The following UNC80 variants were observed in gnomAD, a reference collection of about 807,000 sequenced individuals.
The protein encoded by UNC80 is unc-80 subunit of NALCN channel complex, also known as protein unc-80 homolog.
In UNC80, 164 loss-of-function variants were observed where a neutral mutation model predicts 384.6. The observed-to-expected ratio is 0.43, with a 90% CI of 0.38 to 0.49. The LOEUF (loss-of-function observed/expected upper bound fraction) is 0.49. UNC80 is among the 20% of genes least tolerant of loss of function. The pLI, the probability that UNC80 is intolerant of heterozygous loss-of-function variation, is 0.00. For missense variants in UNC80, 3,330 were observed against 4,143.0 expected (o/e 0.80, Z 5.39); for synonymous variants, 1,486 against 1,527.8 (o/e 0.97, Z 0.64).
At position 209,906,073 on chromosome 2, in the gene UNC80, GA is replaced by G. The variant is rs997659637; in HGVS notation, c.4782+1117del. 9.3e-5 allele frequency among the ~76,000 whole-genome samples: 14 copies of G among 150,680 alleles called. No homozygotes were observed. The South Asian group carries it at 1.5e-3, about 16-fold the overall frequency. On this transcript the variant is annotated intron_variant, in intron 29 of 64. Transcript: ENST00000673920. ...ATATTAGGCTAGATATTCTGTTAAG[GA>G]AAAAAAAACTAGAAGCAGAAAATCT...
Position 209,941,352 on chromosome 2 carries a change from A to G in UNC80, c.6778A>G (p.Asn2260Asp). ...DEIMLFLNVFNGALILHPEDS... is the reference protein window; with the variant it reads ...DEIMLFLNVFDGALILHPEDS... ...AATCATGCTTTTCCTCAACGTTTTT[A>G]ACGGGGCTCTGATCCTCCACCCGGA... is the stretch of plus-strand genomic sequence containing the variant. The change falls in exon 44 of 65, where the codon AAC (asparagine) becomes GAC (aspartate). Residue 2260 changes from asparagine to aspartate, a missense_variant. Physicochemically the swap from Asn to Asp is conservative, Grantham distance 23 (BLOSUM62 1). This residue lies in a region of UNC80 where 1,049 missense variants were observed against 1,488.6 expected (regional missense o/e 0.70). Coordinates refer to ENST00000673920, the MANE Select transcript of UNC80 (RefSeq NM_001371986.1). 6.4e-7 allele frequency: 1 copy of G among 1,551,288 alleles called. No homozygotes were observed. Among genetic ancestry groups the G allele is most frequent in the Non-Finnish European group, 8.7e-7 (1 of 1,146,694 alleles).
chr2:209,941,527 T>G, intron 44 of UNC80, 38 bp downstream of exon 44: 1 of 1,503,816 alleles, frequency 6.6e-7, no homozygotes, highest in South Asian at 1.3e-5. Flanking sequence ...AAAATTAACA[T>G]GAGTACTGCT....
Position 209,994,118 on chromosome 2 carries a change from G to A in UNC80, c.9562G>A (p.Ala3188Thr). The A allele has an allele frequency of 1.3e-6, 2 of 1,551,692 alleles. No individual in the cohort carries two copies. Among genetic ancestry groups the A allele is most frequent in the East Asian group, 4.9e-5 (2 of 40,872 alleles). Residue 3188 changes from alanine (A) to threonine (T), a missense_variant, in exon 64 of 65, where the codon GCC becomes ACC. By Grantham distance (58) the Ala-to-Thr change is moderately conservative (BLOSUM62 0). Transcript: ENST00000673920. ...TGAGGCTCAGCCAGAGCCAGCAGCT[G>A]CCCCAACAGATGCGCTTCCTGCAAC... ...FIEAQPEPAA[A>T]PTDALPATGQ...
At chr2:209,978,440 C>T in intron 58 of UNC80, 89 bp from the exon 59 acceptor site, 1 of 1,171,720 alleles carries the variant, frequency 8.5e-7, no homozygotes, top group Non-Finnish European at 1.2e-6. Flanking sequence ...ACTAACCTTT[C>T]CTAAAAAATA....
chr2:209,771,921 A>C lies in UNC80; in HGVS notation c.-152A>C. ...TCCACGCGCGGGGAGGGGTGGGGGG[A>C]GGGGAGAGGCACGGGGGATCAGGGC... is the stretch of plus-strand genomic sequence containing the variant. On this transcript the variant is annotated 5_prime_UTR_variant, in exon 1 of 65. Transcript: ENST00000673920. The C allele has an allele frequency of 3.3e-6, 2 of 600,518 alleles. No individual in the cohort carries two copies. Among genetic ancestry groups the C allele is most frequent in the African/African-American group, 1.9e-5 (1 of 51,948 alleles). 37.2% of individuals were successfully genotyped at this position (600,518 alleles called of 1,614,324 possible).
intron 52 of UNC80, chr2:209,968,751 C>T (rs2092802843): frequency 6.6e-6 from 1 of 152,140 alleles, no homozygotes; most frequent in African/African-American, 2.4e-5. Flanking sequence ...TTCTTAAATA[C>T]TTCATATCTA....
intron 28 of UNC80, among the ~76,000 whole-genome samples, chr2:209,899,290 C>A (rs1373982952): frequency 1.3e-5 from 2 of 152,014 alleles, no homozygotes; most frequent in Non-Finnish European, 2.9e-5. Context: ...AAGCGTGGAC[C>A]CTAATGTAAA....
intron 22 of UNC80, among the ~76,000 whole-genome samples, chr2:209,855,672 G>A (rs2082857418): frequency 6.6e-6 from 1 of 151,878 alleles, no homozygotes; most frequent in South Asian, 2.1e-4. Context: ...TACCACATTG[G>A]TATGTGTCTT....
In UNC80 at chr2:209,923,260, A is replaced by G. The variant is rs116544723; in HGVS notation, c.5662+877A>G. Among the ~76,000 whole-genome samples the G allele has an allele frequency of 4.7e-3, 723 of 152,268 alleles. 7 individuals are homozygous for G. The highest frequency in any genetic ancestry group is 0.016 in the African/African-American group (683 of 41,566). On this transcript the variant is annotated intron_variant, in intron 35 of 64. Coordinates refer to ENST00000673920, the MANE Select transcript of UNC80 (RefSeq NM_001371986.1). ...CTTTTAGTGTCATATCTAAGAAACA[A>G]TTGTCTAATCCAAGGTCGCAATTTG...
intron 56 of UNC80, 122 bp from the exon 57 acceptor site, chr2:209,975,997 A>G: frequency 9.1e-7 from 1 of 1,094,672 alleles, no homozygotes; most frequent in Non-Finnish European, 1.3e-6. Flanking sequence ...AGTTTTTAGA[A>G]ACATGGAGAG....
At chr2:209,785,031 A>T (rs917681423) in intron 4 of UNC80, among the ~76,000 whole-genome samples, 1 of 152,060 alleles carries the variant, frequency 6.6e-6, no homozygotes, top group Non-Finnish European at 1.5e-5. Context: ...ATGGTTTTCA[A>T]CCTCAGCTAT....
At position 209,957,695 on chromosome 2, in the gene UNC80, C is replaced by T; in HGVS notation, c.7509C>T (p.Thr2503=). 6.4e-7 allele frequency: 1 copy of T among 1,551,516 alleles called. No homozygotes were observed. The highest frequency in any genetic ancestry group is 1.2e-5 in the South Asian group (1 of 84,050). ...MSRCDQGHKG[T]TTANHTMSSG... ...GGTGTGACCAAGGTCATAAGGGAACCACCACAGCCAATCACACCATGTCGT... is the reference window on the plus strand; with the variant it reads ...GGTGTGACCAAGGTCATAAGGGAACTACCACAGCCAATCACACCATGTCGT... Residue 2503 remains threonine, a synonymous_variant, in exon 49 of 65, where the codon ACC becomes ACT. Coordinates refer to ENST00000673920, the MANE Select transcript of UNC80 (RefSeq NM_001371986.1).
chr2:209,889,145 A>G (rs533019375), intron 26 of UNC80, among the ~76,000 whole-genome samples: 92 of 152,322 alleles, frequency 6.0e-4, no homozygotes, highest in Non-Finnish European at 1.1e-3. Context: ...CCAGATATGA[A>G]GTTTTTATAT....
chr2:209,821,672 C>T (rs898633868), intron 13 of UNC80, among the ~76,000 whole-genome samples: 8 of 152,160 alleles, frequency 5.3e-5, no homozygotes, highest in African/African-American at 1.4e-4. Context: ...TCTGCCTTGT[C>T]AACATCTGGT....
intron 16 of UNC80, among the ~76,000 whole-genome samples, chr2:209,832,250 C>T (rs772519947): frequency 3.3e-5 from 5 of 151,954 alleles, no homozygotes; most frequent in Admixed American, 6.6e-5. Flanking sequence ...CACAAATTAC[C>T]GCTAACGAAC....
chr2:209,833,838 T>C (rs1163087644), intron 16 of UNC80, among the ~76,000 whole-genome samples, 164 bp from the exon 17 acceptor site: 1 of 152,192 alleles, frequency 6.6e-6, no homozygotes, highest in Non-Finnish European at 1.5e-5. Context: ...AGGAACATTG[T>C]AGAGGGAGTA....
At chr2:209,878,438 G>A (rs1466985608) in intron 24 of UNC80, among the ~76,000 whole-genome samples, 1 of 152,176 alleles carries the variant, frequency 6.6e-6, no homozygotes, top group Non-Finnish European at 1.5e-5. Flanking sequence ...AAGAGATTTT[G>A]TCAGGTTTTG....
At chr2:209,795,586 T>G (rs1204833491) in intron 7 of UNC80, 1 of 152,120 alleles carries the variant, frequency 6.6e-6, no homozygotes, top group Non-Finnish European at 1.5e-5. Flanking sequence ...GAAAAAGCAG[T>G]TTCGTGGGCT....
At chr2:209,918,208 A>G (rs1396958496) in intron 32 of UNC80, among the ~76,000 whole-genome samples, 2 of 152,206 alleles carry the variant, frequency 1.3e-5, no homozygotes, top group Admixed American at 1.3e-4. Flanking sequence ...AGGTAAGCAT[A>G]TGAAAGTCTG....
Sources: allele counts gnomAD v4.1 joint callset (sites outside exome capture counted in the v4.1 genomes callset), GRCh38; gene constraint gnomAD v4.1.1; regional missense constraint gnomAD v4.1.1; transcripts MANE v1.5; gene names NCBI Gene and HGNC (gene_info 2026-07-23, HGNC 2026-07-21).